Variants in IL31RA observed in about 807,000 individuals in gnomAD.
The protein encoded by IL31RA is interleukin-31 receptor subunit alpha.
In IL31RA, 66 loss-of-function variants were observed where a neutral mutation model predicts 83.7. The ratio of observed to expected loss-of-function variants is 0.79; its 90% CI spans 0.65 to 0.97. The LOEUF (loss-of-function observed/expected upper bound fraction) is 0.97, where lower values mean the gene tolerates loss of function less well. IL31RA is among the 50% of genes least tolerant of loss of function. The pLI is 0.00. For missense variants in IL31RA, 798 were observed against 919.4 expected (o/e 0.87, Z 1.71); for synonymous variants, 325 against 329.0 (o/e 0.99, Z 0.13).
At chr5:55,847,268 T>G (rs1744956982), upstream of IL31RA, among the ~76,000 whole-genome samples, 1 of 136,500 alleles carries the variant, frequency 7.3e-6, no homozygotes, top group Admixed American at 7.5e-5. Context: ...AATAAATAAA[T>G]AAATAAATAA....
upstream of IL31RA, among the ~76,000 whole-genome samples, chr5:55,847,868 G>A (rs1744973262): frequency 2.0e-5 from 3 of 151,976 alleles, no homozygotes; most frequent in South Asian, 6.2e-4. Context: ...TCTTTCCTTG[G>A]TTTTCATGAC....
At chr5:55,899,578 T>A (rs976055162) in intron 7 of IL31RA, among the ~76,000 whole-genome samples, 1 of 152,212 alleles carries the variant, frequency 6.6e-6, no homozygotes, top group Non-Finnish European at 1.5e-5. Flanking sequence ...TGAGAGGGAA[T>A]GTGTCAGCTT....
At chr5:55,891,706 A>G (rs1290248019) in intron 6 of IL31RA, among the ~76,000 whole-genome samples, 2 of 149,570 alleles carry the variant, frequency 1.3e-5, no homozygotes, top group Non-Finnish European at 3.0e-5. Flanking sequence ...TCACATCTGC[A>G]AAGTCCCTTT....
rs139719906 is a variant in IL31RA, at chr5:55,903,510, C to T, written c.1070-2596C>T. Reference sequence around the variant, plus strand: ...GATGACTTGGAAATTCCCCTTTTGGCGCCCCTTGGTGTGGCCAGGCTTTCC... The same window carrying T: ...GATGACTTGGAAATTCCCCTTTTGGTGCCCCTTGGTGTGGCCAGGCTTTCC... On this transcript the variant is annotated intron_variant, in intron 8 of 14. Coordinates refer to ENST00000652347, the MANE Select transcript of IL31RA (RefSeq NM_139017.7). The surrounding 1 kb of genome is among the most constrained non-coding windows in gnomAD (Gnocchi z 4.7). 5.2e-3 allele frequency among the ~76,000 whole-genome samples: 788 copies of T among 152,266 alleles called. 2 individuals carry two copies. Among genetic ancestry groups the T allele is most frequent in the Middle Eastern group, 0.02 (6 of 294 alleles).
chr5:55,849,752 A>C (rs1745010060), upstream of IL31RA, among the ~76,000 whole-genome samples: 1 of 152,154 alleles, frequency 6.6e-6, no homozygotes, highest in Non-Finnish European at 1.5e-5. Flanking sequence ...TACTCTTATC[A>C]TCTTGGGATC....
At chr5:55,909,056 C>T (rs2112568810) in intron 11 of IL31RA, 2 of 235,954 alleles carry the variant, frequency 8.5e-6, no homozygotes, top group South Asian at 1.4e-4. Context: ...CATTCCTCTC[C>T]TCCCACAGCC....
At chr5:55,858,136 A>T (rs964957530) in intron 1 of IL31RA, among the ~76,000 whole-genome samples, 1 of 152,188 alleles carries the variant, frequency 6.6e-6, no homozygotes, top group Non-Finnish European at 1.5e-5. Context: ...TTAATATTTT[A>T]TTCAACATTT....
the IL31RA span, among the ~76,000 whole-genome samples, chr5:55,845,858 A>G: frequency 2.0e-5 from 3 of 152,328 alleles, no homozygotes; most frequent in South Asian, 6.2e-4. Context: ...AGTATATTTC[A>G]AAATGGTTAC....
intron 4 of IL31RA, among the ~76,000 whole-genome samples, chr5:55,880,465 CAAAA>C (rs1004573108): frequency 3.5e-4 from 53 of 151,804 alleles, no homozygotes; most frequent in African/African-American, 1.2e-3. Flanking sequence ...ACTATGTACT[CAAAA>C]AATTAAAAAT....
intron 8 of IL31RA, among the ~76,000 whole-genome samples, chr5:55,904,835 CTTT>C (rs10651049): frequency 1.5e-5 from 2 of 132,866 alleles, no homozygotes. Context: ...TTTTGGGTTT[CTTT>C]TTTTTTTTTT....
chr5:55,850,870 C>T (rs950077330), upstream of IL31RA, among the ~76,000 whole-genome samples: 1 of 152,076 alleles, frequency 6.6e-6, no homozygotes, highest in African/African-American at 2.4e-5. Flanking sequence ...GCAGGTGGAT[C>T]ACCTGAGGTC....
At chr5:55,866,764 G>T (rs73116469) in intron 2 of IL31RA, 2 of 152,258 alleles carry the variant, frequency 1.3e-5, no homozygotes, top group African/African-American at 4.8e-5. Context: ...TGTTTGTACC[G>T]CTCTATCAAG....
At chr5:55,859,092 G>A (rs1284431643) in intron 1 of IL31RA, among the ~76,000 whole-genome samples, 1 of 152,208 alleles carries the variant, frequency 6.6e-6, no homozygotes, top group Non-Finnish European at 1.5e-5. Flanking sequence ...GGGGAAAGGA[G>A]CACTGTGGGC....
Position 55,917,804 on chromosome 5 carries a change from G to A in IL31RA, c.*684G>A, listed in dbSNP as rs1749876332. Among the ~76,000 whole-genome samples, 2 of 152,308 alleles carry A rather than the reference G, an allele frequency of 1.3e-5. No homozygotes were observed. Among genetic ancestry groups the A allele is most frequent in the East Asian group, 1.9e-4 (1 of 5,178 alleles). On this transcript the variant is annotated 3_prime_UTR_variant, in exon 15 of 15. Transcript: ENST00000652347. Reference sequence around the variant, plus strand: ...ATGGGGAGGGCCCTGGGGAATGTATGCTGCCGGGCGCAGCTCTGTCCAGTC... The same window carrying A: ...ATGGGGAGGGCCCTGGGGAATGTATACTGCCGGGCGCAGCTCTGTCCAGTC...
intron 4 of IL31RA, among the ~76,000 whole-genome samples, chr5:55,877,044 CCT>C (rs1254084614): frequency 6.6e-6 from 1 of 151,314 alleles, no homozygotes; most frequent in Non-Finnish European, 1.5e-5. Context: ...CTTTTTTATC[CCT>C]CTTTTTTTCA....
At position 55,921,915 on chromosome 5, in the gene IL31RA, GTTT is replaced by G. The variant is rs1203471231; in HGVS notation, c.*4798_*4800del. 6.6e-6 allele frequency among the ~76,000 whole-genome samples: 1 copy of G among 152,004 alleles called. No individual in the cohort carries two copies. Among genetic ancestry groups the G allele is most frequent in the Non-Finnish European group, 1.5e-5 (1 of 67,988 alleles). ...ATTTGGTTGACTATTTAAAATACTT[GTTT>G]TTGTAGGGCATCTGAAAAAGAAATT... On this transcript the variant is annotated 3_prime_UTR_variant, in exon 15 of 15. Transcript: ENST00000652347.
At position 55,922,051 on chromosome 5, in the gene IL31RA, T is replaced by TG. The variant is rs1750109957; in HGVS notation, c.*4933dup. 6.6e-5 allele frequency among the ~76,000 whole-genome samples: 1 copy of TG among 15,170 alleles called. No individual in the cohort carries two copies. The allele number at this position is 15,170 out of a possible 152,430, so 10.0% of individuals were successfully genotyped here. A position where few individuals can be genotyped will look rare whatever the true frequency, so the allele number is the denominator to read the frequency against. ...GTCAGTGTCTTGCACTCTTATGTTG[T>TG]GGCGGGGGGGGGGGGCGGTTCCTGA... On this transcript the variant is annotated 3_prime_UTR_variant, in exon 15 of 15. Transcript: ENST00000652347.
intron 2 of IL31RA, among the ~76,000 whole-genome samples, chr5:55,860,167 G>T (rs1347177819): frequency 1.3e-5 from 2 of 152,068 alleles, no homozygotes. Context: ...TCAGGAGTTC[G>T]AGAGCAGCCT....
intron 8 of IL31RA, among the ~76,000 whole-genome samples, chr5:55,904,046 G>T (rs1394894932): frequency 6.6e-6 from 1 of 152,176 alleles, no homozygotes; most frequent in Non-Finnish European, 1.5e-5. Context: ...TCTTCACATG[G>T]CTAGCTTCTT....
Sources: gnomAD v4.1 joint callset for allele counts (sites outside exome capture counted in the v4.1 genomes callset) on GRCh38, gnomAD v4.1.1 for gene constraint, Gnocchi (gnomAD v3.1) non-coding constraint, MANE v1.5 for transcripts, NCBI Gene and HGNC (gene_info 2026-07-23, HGNC 2026-07-21) for gene names.